The following NEK9 variants were observed in gnomAD, a reference collection of about 807,000 sequenced individuals.
NEK9 encodes the protein NIMA related kinase 9.
In NEK9, 75 loss-of-function variants were observed where a neutral mutation model predicts 123.4. The ratio of observed to expected loss-of-function variants is 0.61; its 90% CI spans 0.50 to 0.74. The LOEUF (loss-of-function observed/expected upper bound fraction) is 0.74, where lower values mean the gene tolerates loss of function less well. Ranked by LOEUF, NEK9 falls within the 30% of genes least tolerant of loss-of-function variation. NEK9 has a pLI of 0.00. For missense variants in NEK9, 952 were observed against 1,214.4 expected, an observed-to-expected ratio of 0.78 and a Z score of 3.21; for synonymous variants, 438 against 458.7, an observed-to-expected ratio of 0.95 and a Z score of 0.58.
intron 3 of NEK9, 72 bp downstream of exon 3, chr14:75,121,047 G>T: frequency 1.6e-6 from 2 of 1,218,858 alleles, no homozygotes; most frequent in Non-Finnish European, 2.4e-6. Context: ...TATTGGAAGA[G>T]TAAATACAGA....
chr14:75,098,295 ACTT>A (rs1450306719), intron 16 of NEK9, among the ~76,000 whole-genome samples: 1 of 151,940 alleles, frequency 6.6e-6, no homozygotes, highest in Admixed American at 6.6e-5. Flanking sequence ...GATGCCTATA[ACTT>A]CTTATCCAAA....
At chr14:75,099,267 C>T (rs1005178395) in intron 16 of NEK9, among the ~76,000 whole-genome samples, 2 of 150,332 alleles carry the variant, frequency 1.3e-5, no homozygotes, top group African/African-American at 4.9e-5. Context: ...GGAGGCTGCA[C>T]TGAGCCGAGA....
chr14:75,101,062 C>G lies in NEK9; in HGVS notation c.1932G>C (p.Gly644=). 6.2e-7 allele frequency: 1 copy of G among 1,614,246 alleles called. No homozygotes were observed. The highest frequency in any genetic ancestry group is 1.7e-5 in the Admixed American group (1 of 60,028). ...YKKRLGINLL[G]GPLGGKQVIR... ...TCACTTGCTTCCCACCAAGGGGTCC[C>G]CCCAACAGGTTGATTCCCAGACGCT... is the stretch of plus-strand genomic sequence containing the variant. Residue 644 remains glycine (G), a synonymous_variant, in exon 16 of 22, where the codon GGG becomes GGC. Transcript: ENST00000238616.
intron 2 of NEK9, among the ~76,000 whole-genome samples, chr14:75,122,789 CT>C (rs35799337): frequency 2.4e-3 from 194 of 80,126 alleles, no homozygotes; most frequent in African/African-American, 6.8e-3. Flanking sequence ...CCACGCCCAG[CT>C]TTTTTTTTTT....
intron 6 of NEK9, 144 bp from the exon 7 acceptor site, chr14:75,114,457 C>CAA: frequency 1.7e-6 from 1 of 582,670 alleles, no homozygotes; most frequent in South Asian, 2.2e-5. Context: ...TAGTATGCAT[C>CAA]AAAAAAAAAT....
At chr14:75,094,737 G>A (rs1250997555) in intron 18 of NEK9, among the ~76,000 whole-genome samples, 5 of 152,096 alleles carry the variant, frequency 3.3e-5, no homozygotes, top group South Asian at 2.1e-4. Flanking sequence ...CCGAGATTGC[G>A]CCATTGCACT....
rs1055963245 is a variant in NEK9 at position 75,081,857 on chromosome 14, T to C, written c.*2707A>G. The stretch of plus-strand genomic sequence containing the variant: ...ATCATCCTTCTTTTAGTGGCTCATT[T>C]TTTCCCTCCCTCTGCACTTTCGGCA... On this transcript the variant is annotated 3_prime_UTR_variant, in exon 22 of 22. Transcript: ENST00000238616. This position sits in a 1 kb window ranked among gnomAD's most constrained non-coding sequence, Gnocchi z 4.2. 1.3e-5 allele frequency: 2 copies of C among 152,068 alleles called. No homozygotes were observed. Among genetic ancestry groups the C allele is most frequent in the East Asian group, 3.8e-4 (2 of 5,202 alleles). The allele number at this position is 152,068 out of a possible 1,614,324, so 9.4% of individuals were successfully genotyped here.
chr14:75,096,158 C>G (rs1213625912), intron 17 of NEK9, among the ~76,000 whole-genome samples: 2 of 151,920 alleles, frequency 1.3e-5, no homozygotes, highest in Non-Finnish European at 2.9e-5. Context: ...TGGTACACTC[C>G]TGTAGTCCCA....
At chr14:75,119,992 A>G (rs1346870977) in intron 4 of NEK9, among the ~76,000 whole-genome samples, 1 of 152,238 alleles carries the variant, frequency 6.6e-6, no homozygotes, top group Non-Finnish European at 1.5e-5. Context: ...GCACCAGTCA[A>G]TGACTCACTT....
chr14:75,107,331 C>G lies in NEK9; in HGVS notation c.1327+12G>C. 1 of 1,609,544 alleles carries G rather than the reference C, an allele frequency of 6.2e-7. No individual in the cohort carries two copies. Among genetic ancestry groups the G allele is most frequent in the African/African-American group, 1.3e-5 (1 of 74,698 alleles). On this transcript the variant is annotated intron_variant, in intron 11 of 21. Coordinates refer to ENST00000238616, the MANE Select transcript of NEK9 (RefSeq NM_033116.6). ...TTAAATGCACTTAAGACACTTTCTG[C>G]TGATGGCTTACCAGTCACACAGACA...
chr14:75,125,476 A>G (rs1021039034), intron 1 of NEK9, among the ~76,000 whole-genome samples: 12 of 152,230 alleles, frequency 7.9e-5, no homozygotes, highest in Non-Finnish European at 1.2e-4. Context: ...GTTCAACAGG[A>G]TAATAATAAA....
intron 3 of NEK9, chr14:75,120,899 A>C (rs1401630069): frequency 3.1e-6 from 2 of 643,812 alleles, no homozygotes; most frequent in East Asian, 5.5e-5. Context: ...ACCAGGAAAG[A>C]AAGCCCACAG....
Position 75,127,025 on chromosome 14 carries a change from A to G in NEK9, c.-104T>C, listed in dbSNP as rs1482274450. 2 of 955,880 alleles carry G rather than the reference A, an allele frequency of 2.1e-6. No homozygotes were observed. The highest frequency in any genetic ancestry group is 3.0e-6 in the Non-Finnish European group (2 of 676,784). 59.2% of individuals were successfully genotyped at this position (955,880 alleles called of 1,614,324 possible). Reference sequence around the variant, plus strand: ...TGCCGGCCCGCGGATCCGTCAGCCCAGCAACCCCGCGAAGCTCGATGGTGG... The same window carrying G: ...TGCCGGCCCGCGGATCCGTCAGCCCGGCAACCCCGCGAAGCTCGATGGTGG... On this transcript the variant is annotated 5_prime_UTR_variant, in exon 1 of 22. Transcript: ENST00000238616.
At chr14:75,114,729 TAAG>T (rs1366040120) in intron 6 of NEK9, among the ~76,000 whole-genome samples, 1 of 152,012 alleles carries the variant, frequency 6.6e-6, no homozygotes, top group East Asian at 1.9e-4. Flanking sequence ...GTAATAATAA[TAAG>T]ATGATAATAC....
At chr14:75,086,723 C>T (rs147495634) in intron 21 of NEK9, 4,801 of 321,102 alleles carry the variant, frequency 0.015, 52 homozygotes, top group Non-Finnish European at 0.02. Context: ...CTGGCCAACA[C>T]GGTGAAACCC....
At chr14:75,106,098 G>A (rs1388283407) in intron 12 of NEK9, 102 bp from the exon 13 acceptor site, 7 of 1,028,274 alleles carry the variant, frequency 6.8e-6, no homozygotes, top group African/African-American at 3.2e-5. Context: ...GCTCACACCT[G>A]TAATCCCAGC....
At chr14:75,091,130 C>A in intron 19 of NEK9, 140 bp downstream of exon 19, 1 of 606,948 alleles carries the variant, frequency 1.6e-6, no homozygotes, top group South Asian at 3.5e-5. Flanking sequence ...AATTTCTTTC[C>A]AGGTAGAAAT....
Position 75,087,162 on chromosome 14 carries a change from C to T in NEK9, c.2673G>A (p.Ala891=), listed in dbSNP as rs145167526. The change falls in exon 21 of 22, where the codon GCG becomes GCA. Residue 891 remains alanine (A), a synonymous_variant. Transcript: ENST00000238616. ...KGTPLTPPAC[A]CSSLQVEVER... ...CAACCTCCACCTGCAGAGAGCTGCA[C>T]GCACACGCAGGAGGAGTCAGTGGTG... 3.8e-5 allele frequency: 62 copies of T among 1,614,166 alleles called. No individual in the cohort carries two copies. Among genetic ancestry groups the T allele is most frequent in the African/African-American group, 3.2e-4 (24 of 75,034 alleles).
intron 13 of NEK9, among the ~76,000 whole-genome samples, chr14:75,105,003 G>A (rs549508319): frequency 6.6e-6 from 1 of 152,326 alleles, no homozygotes; most frequent in African/African-American, 2.4e-5. Context: ...CAGTAGCCCT[G>A]TGGGGTCCCA....
Sources: gnomAD v4.1 joint callset for allele counts (sites outside exome capture counted in the v4.1 genomes callset) on GRCh38, gnomAD v4.1.1 for gene constraint, Gnocchi (gnomAD v3.1) non-coding constraint, MANE v1.5 for transcripts, NCBI Gene and HGNC (gene_info 2026-07-23, HGNC 2026-07-21) for gene names.